The following JMY variants were observed in gnomAD, a reference collection of about 807,000 sequenced individuals.
JMY encodes junction-mediating and -regulatory protein.
JMY carries 46 observed loss-of-function variants against 103.3 expected under a neutral mutation model. The ratio of observed to expected loss-of-function variants is 0.45; its 90% CI spans 0.35 to 0.57. The LOEUF (loss-of-function observed/expected upper bound fraction) is 0.57. JMY is among the 20% of genes least tolerant of loss of function. The probability of loss-of-function intolerance (pLI) is 0.00; values close to 1 mark genes in which losing one functional copy is unlikely to be tolerated. For missense variants in JMY, 1,238 were observed against 1,255.2 expected, an observed-to-expected ratio of 0.99 and a Z score of 0.21; for synonymous variants, 526 against 489.3, an observed-to-expected ratio of 1.07 and a Z score of -0.99.
At chr5:79,284,982 G>T in intron 2 of JMY, 1 of 1,048,386 alleles carries the variant, frequency 9.5e-7, no homozygotes, top group South Asian at 1.4e-5. Context: ...GTTGAAACTA[G>T]ACGAACCTCT....
At position 79,297,425 on chromosome 5, in the gene JMY, C is replaced by G. The variant is rs536827161; in HGVS notation, c.1528-2728C>G. Among the ~76,000 whole-genome samples, 176 of 152,268 alleles carry G rather than the reference C, an allele frequency of 1.2e-3. 1 individual carries two copies. The highest frequency in any genetic ancestry group is 4.0e-3 in the African/African-American group (168 of 41,566). On this transcript the variant is annotated intron_variant, in intron 4 of 10. Coordinates refer to ENST00000396137, the MANE Select transcript of JMY (RefSeq NM_152405.5). ...TCTCTTTTCACCCTGGATTCTGTTT[C>G]TCTTAGTTCTGTGGCTGTCAGCTGA...
intron 6 of JMY, among the ~76,000 whole-genome samples, chr5:79,303,215 A>G (rs1746788447): frequency 6.6e-6 from 1 of 152,174 alleles, no homozygotes; most frequent in East Asian, 1.9e-4. Context: ...CAACATACTG[A>G]GCAGGTGATT....
chr5:79,239,389 C>T (rs1001060785), intron 1 of JMY, among the ~76,000 whole-genome samples: 1 of 152,324 alleles, frequency 6.6e-6, no homozygotes, highest in Non-Finnish European at 1.5e-5. Context: ...TTCTCTTAAA[C>T]TGCAAGAACC....
At chr5:79,259,073 G>C (rs1193890403) in intron 1 of JMY, among the ~76,000 whole-genome samples, 2 of 152,176 alleles carry the variant, frequency 1.3e-5, no homozygotes, top group Non-Finnish European at 2.9e-5. Context: ...GTCCCGATGA[G>C]TGTTCAGCTT....
chr5:79,317,752 G>A (rs570145855), intron 10 of JMY, among the ~76,000 whole-genome samples: 150 of 152,290 alleles, frequency 9.8e-4, no homozygotes, highest in African/African-American at 3.4e-3. Context: ...AGGCTGGAGT[G>A]CAGTGGCACG....
chr5:79,317,445 A>G (rs1481717028), intron 10 of JMY, among the ~76,000 whole-genome samples: 2 of 152,204 alleles, frequency 1.3e-5, no homozygotes, highest in African/African-American at 4.8e-5. Context: ...CACCAAATAT[A>G]TAGAAACATT....
chr5:79,245,174 A>G (rs564630378), intron 1 of JMY, among the ~76,000 whole-genome samples: 1 of 152,298 alleles, frequency 6.6e-6, no homozygotes, highest in East Asian at 1.9e-4. Context: ...TTTAAGGATA[A>G]ATGTATGAAG....
intron 1 of JMY, among the ~76,000 whole-genome samples, chr5:79,259,705 C>T (rs1745359466): frequency 6.6e-6 from 1 of 152,244 alleles, no homozygotes; most frequent in East Asian, 1.9e-4. Flanking sequence ...GCACACCCAG[C>T]CAGGTTGTGA....
Position 79,314,711 on chromosome 5 carries a change from A to T in JMY, c.2519A>T (p.Asp840Val), listed in dbSNP as rs1401554655. 6.2e-7 allele frequency: 1 copy of T among 1,610,998 alleles called. No homozygotes were observed. ...KDSGPETLEKDLPRKEGNEKR... is the reference protein window; with the variant it reads ...KDSGPETLEKVLPRKEGNEKR... ...AGTGGCCCAGAGACACTGGAGAAAG[A>T]TCTGCCTAGAAAGGAGGGGAATGAG... The change falls in exon 9 of 11, where the codon GAT becomes GTT. Residue 840 changes from aspartate (D) to valine (V), a missense_variant. Physicochemically the swap from Asp to Val is radical, Grantham distance 152. Transcript: ENST00000396137.
intron 1 of JMY, among the ~76,000 whole-genome samples, chr5:79,257,852 T>A (rs935653972): frequency 6.6e-6 from 1 of 152,050 alleles, no homozygotes; most frequent in Non-Finnish European, 1.5e-5. Flanking sequence ...AACTTCTGCC[T>A]CCTGTGTTCA....
chr5:79,268,100 G>T (rs1023360702), intron 1 of JMY, among the ~76,000 whole-genome samples: 5 of 152,122 alleles, frequency 3.3e-5, no homozygotes, highest in Non-Finnish European at 7.4e-5. Context: ...AAAAATTAGT[G>T]GGTGTGGTGG....
chr5:79,268,300 A>G (rs781134569), intron 1 of JMY, among the ~76,000 whole-genome samples: 6 of 152,092 alleles, frequency 3.9e-5, no homozygotes, highest in South Asian at 2.1e-4. Context: ...GTGTCTCCCA[A>G]TGTAGCTGTA....
At chr5:79,286,881 A>G (rs1033063718) in intron 2 of JMY, among the ~76,000 whole-genome samples, 2 of 152,246 alleles carry the variant, frequency 1.3e-5, no homozygotes, top group Non-Finnish European at 2.9e-5. Context: ...CAGATAATTG[A>G]GAAGGCAAGA....
intron 1 of JMY, among the ~76,000 whole-genome samples, chr5:79,237,986 C>T (rs1348636402): frequency 6.6e-6 from 1 of 152,174 alleles, no homozygotes; most frequent in African/African-American, 2.4e-5. Context: ...GTTCTGTAAG[C>T]ATGGGCTACC....
chr5:79,307,082 G>C (rs935961995), intron 7 of JMY, among the ~76,000 whole-genome samples: 2 of 152,172 alleles, frequency 1.3e-5, no homozygotes, highest in Non-Finnish European at 2.9e-5. Context: ...TTCATGGCTT[G>C]ATAGCTCATT....
chr5:79,286,366 C>T (rs562234591), intron 2 of JMY, among the ~76,000 whole-genome samples: 20 of 152,204 alleles, frequency 1.3e-4, no homozygotes, highest in South Asian at 4.1e-4. Context: ...CAAGGCTGGG[C>T]GCAGTGGCTC....
In JMY at chr5:79,237,120, C is replaced by T. The variant is rs1440850575; in HGVS notation, c.470C>T (p.Ala157Val). ...KPIPGQKTSE[A>V]DDAAGAAAAA... ...ATCCCGGGTCAGAAAACATCTGAAGCCGACGATGCGGCGGGGGCAGCCGCT... is the reference window on the plus strand; with the variant it reads ...ATCCCGGGTCAGAAAACATCTGAAGTCGACGATGCGGCGGGGGCAGCCGCT... Residue 157 changes from alanine to valine, a missense_variant, in exon 1 of 11, where the codon GCC becomes GTC. Ala to Val is a moderately conservative substitution (Grantham distance 64). Coordinates refer to ENST00000396137, the MANE Select transcript of JMY (RefSeq NM_152405.5). The T allele has an allele frequency of 1.9e-6, 3 of 1,548,594 alleles. No individual in the cohort carries two copies. The highest frequency in any genetic ancestry group is 2.6e-6 in the Non-Finnish European group (3 of 1,145,896).
intron 1 of JMY, among the ~76,000 whole-genome samples, chr5:79,262,161 T>C (rs987507998): frequency 6.6e-6 from 1 of 152,218 alleles, no homozygotes; most frequent in African/African-American, 2.4e-5. Flanking sequence ...TGCGTTCTTA[T>C]TCAGTGTGGC....
rs776955178 is a variant in JMY, at chr5:79,291,237, T to C, written c.1465T>C (p.Leu489=). The C allele has an allele frequency of 6.2e-7, 1 of 1,613,024 alleles. No individual in the cohort carries two copies. The highest frequency in any genetic ancestry group is 8.5e-7 in the Non-Finnish European group (1 of 1,179,608). The change falls in exon 4 of 11, where the codon TTG becomes CTG. Residue 489 remains leucine, a synonymous_variant. Transcript: ENST00000396137. ...KLQYAVSKET[L]QMMRAKEICL... is the part of the protein sequence containing the mutation. Reference sequence around the variant, plus strand: ...CCAGTATGCAGTTTCTAAGGAAACTTTGCAGATGATGAGAGCTAAAGAGAT... The same window carrying C: ...CCAGTATGCAGTTTCTAAGGAAACTCTGCAGATGATGAGAGCTAAAGAGAT...
Sources: gnomAD v4.1 joint callset for allele counts (sites outside exome capture counted in the v4.1 genomes callset) on GRCh38, gnomAD v4.1.1 for gene constraint, MANE v1.5 for transcripts, NCBI Gene and HGNC (gene_info 2026-07-23, HGNC 2026-07-21) for gene names.